Variants in MED13 observed in about 807,000 individuals in gnomAD.
MED13 encodes mediator of RNA polymerase II transcription subunit 13.
Under a neutral mutation model 225.2 loss-of-function variants are expected in MED13, and 23 were observed. The ratio of observed to expected loss-of-function variants is 0.10; its 90% CI spans 0.07 to 0.14. MED13 has a LOEUF of 0.14. Ranked by LOEUF, MED13 falls within the 10% of genes least tolerant of loss-of-function variation. The probability of loss-of-function intolerance (pLI) is 1.00; values close to 1 mark genes in which losing one functional copy is unlikely to be tolerated. For synonymous variants in MED13, 942 were observed against 889.2 expected, an observed-to-expected ratio of 1.06 and a Z score of -1.06; for missense variants, 2,197 against 2,594.5, an observed-to-expected ratio of 0.85 and a Z score of 3.33.
At chr17:62,016,324 C>T (rs188152442) in intron 8 of MED13, among the ~76,000 whole-genome samples, 104 of 152,154 alleles carry the variant, frequency 6.8e-4, no homozygotes, top group Admixed American at 1.1e-3. Context: ...AGGCAAGAGC[C>T]ACCTCATTGG....
In MED13 at chr17:61,961,741, A is replaced by C; in HGVS notation, c.5103T>G (p.His1701Gln). ...PCQYLLQPVK[H>Q]EDREIYPQHL... ...GCTGGGGATAGATTTCTCTATCTTC[A>C]TGCTTCACAGGTTGCAACAGGTACT... The change falls in exon 22 of 30, where the codon CAT becomes CAG. Residue 1701 changes from histidine (H) to glutamine (Q), a missense_variant. This residue lies in a region of MED13 where 457 missense variants were observed against 442.2 expected (regional missense o/e 1.03). Transcript: ENST00000397786. The C allele has an allele frequency of 6.2e-7, 1 of 1,614,100 alleles. No individual in the cohort carries two copies. The highest frequency in any genetic ancestry group is 8.5e-7 in the Non-Finnish European group (1 of 1,179,998).
At chr17:61,995,081 A>G in intron 10 of MED13, 71 bp downstream of exon 10, 1 of 980,306 alleles carries the variant, frequency 1.0e-6, no homozygotes, top group Non-Finnish European at 1.6e-6. Context: ...TAACTGTGGT[A>G]GTAAGAGTGT....
intron 28 of MED13, among the ~76,000 whole-genome samples, chr17:61,949,873 C>CG (rs746261675): frequency 2.0e-5 from 3 of 151,836 alleles, no homozygotes; most frequent in Non-Finnish European, 4.4e-5. Flanking sequence ...TTAGTAGAAA[C>CG]GGGGTCTCAC....
At chr17:61,966,314 G>T in intron 19 of MED13, 148 bp downstream of exon 19, 3 of 644,442 alleles carry the variant, frequency 4.7e-6, no homozygotes, top group Non-Finnish European at 7.8e-6. Flanking sequence ...AAACTACTCA[G>T]CTCCAATGTT....
At position 61,965,267 on chromosome 17, in the gene MED13, G is replaced by A; in HGVS notation, c.4583C>T (p.Thr1528Ile). The change falls in exon 20 of 30, where the codon ACA becomes ATA. Residue 1528 changes from threonine (T) to isoleucine (I), a missense_variant. By Grantham distance (89) the Thr-to-Ile change is moderately conservative. Transcript: ENST00000397786. ...AGCTGTGGTCAAAGTTGAATTAGCT[G>A]TGGCAACTGAAGTAGATATGGCAAC... is the stretch of plus-strand genomic sequence containing the variant. ...SGVAISTSVA[T>I]ANSTLTTAST... 1 of 1,614,200 alleles carries A rather than the reference G, an allele frequency of 6.2e-7. No individual in the cohort carries two copies. The highest frequency in any genetic ancestry group is 1.3e-5 in the African/African-American group (1 of 75,072).
intron 2 of MED13, among the ~76,000 whole-genome samples, chr17:62,060,594 G>A (rs1457279423): frequency 1.4e-5 from 2 of 147,796 alleles, no homozygotes; most frequent in Non-Finnish European, 3.0e-5. Context: ...CTCAGAGAGC[G>A]AGATCACGCC....
At chr17:62,017,746 T>A (rs571837482) in intron 8 of MED13, among the ~76,000 whole-genome samples, 4 of 152,348 alleles carry the variant, frequency 2.6e-5, no homozygotes, top group African/African-American at 9.6e-5. Context: ...CACTTAAGAA[T>A]GTCCTTCATG....
chr17:62,018,167 T>C (rs1201626204), intron 8 of MED13, among the ~76,000 whole-genome samples: 1 of 152,232 alleles, frequency 6.6e-6, no homozygotes, highest in African/African-American at 2.4e-5. Context: ...TTGAGCTTTC[T>C]AATACTTAAA....
rs4968467 is a variant in MED13 at position 62,052,514 on chromosome 17, C to T, written c.470+23G>A. The T allele has an allele frequency of 0.17, 248,458 of 1,498,508 alleles. 23,644 individuals are homozygous for T. The highest frequency in any genetic ancestry group is 0.47 in the East Asian group (20,496 of 43,282). 92.8% of individuals were successfully genotyped at this position (1,498,508 alleles called of 1,614,324 possible). On this transcript the variant is annotated intron_variant, in intron 3 of 29. Coordinates refer to ENST00000397786, the MANE Select transcript of MED13 (RefSeq NM_005121.3). ...AAGGAACAAATCTAAAGAAATATCA[C>T]GTCAGAATTTAAGATAGCTTACCTT...
At chr17:61,998,402 C>T (rs1021365813) in intron 9 of MED13, among the ~76,000 whole-genome samples, 1 of 152,164 alleles carries the variant, frequency 6.6e-6, no homozygotes, top group African/African-American at 2.4e-5. Flanking sequence ...ATGACAATAA[C>T]ATACTATCCT....
chr17:61,988,434 G>C (rs1303141153), intron 11 of MED13, among the ~76,000 whole-genome samples: 4 of 152,182 alleles, frequency 2.6e-5, no homozygotes, highest in Non-Finnish European at 5.9e-5. Context: ...TAACTGACTT[G>C]AGAGTCCTCG....
chr17:62,027,306 A>G (rs953628679), intron 8 of MED13, among the ~76,000 whole-genome samples: 2 of 152,204 alleles, frequency 1.3e-5, no homozygotes, highest in East Asian at 3.8e-4. Flanking sequence ...CTGATCTTTG[A>G]CAAAGCTCAC....
At chr17:62,033,580 T>A (rs916781002) in intron 5 of MED13, among the ~76,000 whole-genome samples, 2 of 152,220 alleles carry the variant, frequency 1.3e-5, no homozygotes, top group African/African-American at 4.8e-5. Flanking sequence ...ACTGGGATAT[T>A]CATTTAACCT....
At chr17:62,033,674 A>G in intron 5 of MED13, 113 bp downstream of exon 5, 1 of 975,784 alleles carries the variant, frequency 1.0e-6, no homozygotes, top group Non-Finnish European at 1.5e-6. Flanking sequence ...TAAGGAATAA[A>G]TCTTTGGTGT....
At chr17:62,009,925 T>G (rs1249980012) in intron 9 of MED13, among the ~76,000 whole-genome samples, 7 of 152,028 alleles carry the variant, frequency 4.6e-5, no homozygotes, top group Non-Finnish European at 1.0e-4. Context: ...ACTGAAATAA[T>G]AAGTACCAAA....
chr17:62,019,550 T>A (rs1385300523), intron 8 of MED13, among the ~76,000 whole-genome samples: 1 of 152,170 alleles, frequency 6.6e-6, no homozygotes, highest in Non-Finnish European at 1.5e-5. Flanking sequence ...GTCCCAAGTG[T>A]ACAAGGGATG....
intron 21 of MED13, 93 bp downstream of exon 21, chr17:61,962,659 A>G (rs2080011970): frequency 4.8e-6 from 5 of 1,040,962 alleles, no homozygotes; most frequent in South Asian, 4.4e-5. Context: ...GCTTTTAGAT[A>G]ATCAATTTGA....
At chr17:61,974,480 A>G (rs1001183279) in intron 16 of MED13, among the ~76,000 whole-genome samples, 3 of 152,192 alleles carry the variant, frequency 2.0e-5, no homozygotes, top group African/African-American at 7.2e-5. Context: ...TGACAAAATA[A>G]TCTGTATGCT....
intron 8 of MED13, among the ~76,000 whole-genome samples, chr17:62,020,309 AGCTC>A (rs2080627589): frequency 6.6e-6 from 1 of 152,002 alleles, no homozygotes; most frequent in Non-Finnish European, 1.5e-5. Context: ...TTAAGTGTGC[AGCTC>A]CTTTAATTTT....
Sources: gnomAD v4.1 joint callset for allele counts (sites outside exome capture counted in the v4.1 genomes callset) on GRCh38, gnomAD v4.1.1 for gene constraint, gnomAD v4.1.1 regional missense constraint, MANE v1.5 for transcripts, NCBI Gene and HGNC (gene_info 2026-07-23, HGNC 2026-07-21) for gene names.